Variants in EPHA6 observed in about 807,000 individuals in gnomAD.
EPHA6 encodes the protein EPH receptor A6, also known as ephrin type-A receptor 6.
A neutral mutation model predicts 112.0 loss-of-function variants in EPHA6; 50 were observed. That is an observed-to-expected ratio of 0.45 (90% CI 0.36 to 0.56). The LOEUF (loss-of-function observed/expected upper bound fraction) is 0.56, where lower values mean the gene tolerates loss of function less well. Ranked by LOEUF, EPHA6 falls within the 20% of genes least tolerant of loss-of-function variation. EPHA6 has a pLI of 0.00. For synonymous variants in EPHA6, 529 were observed against 490.7 expected, an observed-to-expected ratio of 1.08 and a Z score of -1.03; for missense variants, 1,280 against 1,417.4, an observed-to-expected ratio of 0.90 and a Z score of 1.56.
Position 97,151,808 on chromosome 3 carries a change from A to G in EPHA6, c.1115-74456A>G, listed in dbSNP as rs536091911. ...AATACAATAAATCTAACTTTGTGGC[A>G]TCATGAAAATTTCTATAATTTATAC... On this transcript the variant is annotated intron_variant, in intron 3 of 17. Transcript: ENST00000389672. Among the ~76,000 whole-genome samples the G allele has an allele frequency of 2.0e-5, 3 of 152,148 alleles. No individual in the cohort carries two copies. The South Asian group carries it at 6.2e-4, about 32-fold the overall frequency.
In EPHA6 at chr3:96,819,262, C is replaced by A. The variant is rs1263513784; in HGVS notation, c.385+4254C>A. Among the ~76,000 whole-genome samples the A allele has an allele frequency of 2.0e-5, 3 of 152,096 alleles. No homozygotes were observed. In the South Asian group the frequency reaches 6.2e-4, roughly 32 times the overall value. ...GGGAAATTAATGATTAAATTACATC[C>A]TTTTACTTTTTTGTTACTTTTACAT... On this transcript the variant is annotated intron_variant, in intron 1 of 17. Coordinates refer to ENST00000389672, the MANE Select transcript of EPHA6 (RefSeq NM_001080448.3).
chr3:97,302,561 T>A (rs1413705772), intron 5 of EPHA6, among the ~76,000 whole-genome samples: 1 of 151,576 alleles, frequency 6.6e-6, no homozygotes, highest in African/African-American at 2.4e-5. Flanking sequence ...TATATTGTCT[T>A]TGCATAGGAA....
At chr3:97,226,650 C>T (rs2078365086) in intron 4 of EPHA6, among the ~76,000 whole-genome samples, 1 of 152,174 alleles carries the variant, frequency 6.6e-6, no homozygotes, top group Non-Finnish European at 1.5e-5. Flanking sequence ...TGTACAAATG[C>T]CAGCACTGGT....
chr3:97,730,633 C>T (rs1409744189), intron 15 of EPHA6, among the ~76,000 whole-genome samples: 1 of 152,046 alleles, frequency 6.6e-6, no homozygotes, highest in Admixed American at 6.6e-5. Flanking sequence ...TATGCTGCTC[C>T]CTGTCAGTCC....
At chr3:97,203,762 T>G (rs1194340638) in intron 3 of EPHA6, among the ~76,000 whole-genome samples, 1 of 152,172 alleles carries the variant, frequency 6.6e-6, no homozygotes, top group East Asian at 1.9e-4. Context: ...TCCTGTCTCC[T>G]CATTTGTAAA....
At chr3:97,623,586 A>C (rs2093830940) in intron 13 of EPHA6, among the ~76,000 whole-genome samples, 1 of 151,740 alleles carries the variant, frequency 6.6e-6, no homozygotes, top group Admixed American at 6.6e-5. Flanking sequence ...CAGAAGGGAC[A>C]AAAGCTGTGT....
At chr3:96,987,090 C>A (rs2043050482) in intron 2 of EPHA6, among the ~76,000 whole-genome samples, 1 of 152,066 alleles carries the variant, frequency 6.6e-6, no homozygotes, top group African/African-American at 2.4e-5. Context: ...AACTAGTGAT[C>A]AAATAAAGTT....
rs1477708833 is a variant in EPHA6, at chr3:97,570,743, T to G, written c.2387-21869T>G. Among the ~76,000 whole-genome samples the G allele has an allele frequency of 5.3e-5, 8 of 151,148 alleles. 1 individual carries two copies. In the South Asian group the frequency reaches 6.3e-4, roughly 12 times the overall value. ...GACTCTGTTTCAAAAAAAAAAAAAG[T>G]ATTATGGAAGCTTTAAATGTTAAAC... is the stretch of plus-strand genomic sequence containing the variant. On this transcript the variant is annotated intron_variant, in intron 11 of 17. Transcript: ENST00000389672.
chr3:97,469,027 C>T (rs898501867), intron 7 of EPHA6, among the ~76,000 whole-genome samples: 2 of 151,574 alleles, frequency 1.3e-5, no homozygotes, highest in African/African-American at 2.4e-5. Context: ...TGGAGGCAAA[C>T]GTTTTTTAAT....
At position 97,755,923 on chromosome 3, in the gene EPHA6, C is replaced by T. The variant is rs2036014645; in HGVS notation, c.*7222C>T. 6.6e-6 allele frequency among the ~76,000 whole-genome samples: 1 copy of T among 151,916 alleles called. No individual in the cohort carries two copies. Among genetic ancestry groups the T allele is most frequent in the South Asian group, 2.1e-4 (1 of 4,802 alleles). On this transcript the variant is annotated 3_prime_UTR_variant, in exon 18 of 18. Coordinates refer to ENST00000389672, the MANE Select transcript of EPHA6 (RefSeq NM_001080448.3). ...AAACACTACACTTTTAAGATTTTTA[C>T]CGTAAGTAAAATGTCCTCTTCCACT...
chr3:96,984,041 C>A (rs553636452), intron 2 of EPHA6, among the ~76,000 whole-genome samples: 2 of 152,312 alleles, frequency 1.3e-5, no homozygotes, highest in Admixed American at 1.3e-4. Context: ...CTGAAGCCTT[C>A]TTCTCTCAAC....
intron 3 of EPHA6, among the ~76,000 whole-genome samples, chr3:97,136,525 T>G (rs1044722940): frequency 1.3e-5 from 2 of 152,014 alleles, no homozygotes; most frequent in African/African-American, 4.8e-5. Flanking sequence ...GAGAGCAGCC[T>G]AGGCAACACA....
intron 3 of EPHA6, among the ~76,000 whole-genome samples, chr3:97,106,383 T>A (rs1453149332): frequency 1.3e-5 from 2 of 152,036 alleles, no homozygotes; most frequent in Admixed American, 1.3e-4. Context: ...TACAAGCACA[T>A]CCTTATATTA....
chr3:97,402,861 AC>A (rs2087082394), intron 5 of EPHA6, among the ~76,000 whole-genome samples: 1 of 152,182 alleles, frequency 6.6e-6, no homozygotes, highest in Non-Finnish European at 1.5e-5. Flanking sequence ...TTAAGAAAAT[AC>A]TTTGTCCTTA....
chr3:97,109,394 T>G (rs2108278241), intron 3 of EPHA6, among the ~76,000 whole-genome samples: 1 of 152,284 alleles, frequency 6.6e-6, no homozygotes. Flanking sequence ...CTGTCTCTCA[T>G]GGGCCTAGTT....
At chr3:97,600,965 G>A (rs887700255) in intron 12 of EPHA6, among the ~76,000 whole-genome samples, 3 of 151,984 alleles carry the variant, frequency 2.0e-5, no homozygotes, top group Middle Eastern at 3.4e-3. Flanking sequence ...TCTATTTTCA[G>A]AATTTTTAAA....
At chr3:97,390,204 T>G (rs542255960) in intron 5 of EPHA6, among the ~76,000 whole-genome samples, 1 of 152,242 alleles carries the variant, frequency 6.6e-6, no homozygotes, top group African/African-American at 2.4e-5. Flanking sequence ...TCTATGGGCT[T>G]GAACCAGAAA....
chr3:97,446,498 A>C (rs1381293225), intron 6 of EPHA6, among the ~76,000 whole-genome samples: 1 of 152,164 alleles, frequency 6.6e-6, no homozygotes, highest in Admixed American at 6.5e-5. Flanking sequence ...TAAGATATGT[A>C]ATTATCCTGG....
At chr3:97,631,279 A>G (rs1298547875) in intron 13 of EPHA6, among the ~76,000 whole-genome samples, 1 of 151,892 alleles carries the variant, frequency 6.6e-6, no homozygotes, top group African/African-American at 2.4e-5. Flanking sequence ...TCTCTTATGA[A>G]CCCTTTGCAT....
Sources: gnomAD v4.1 joint callset for allele counts (sites outside exome capture counted in the v4.1 genomes callset) on GRCh38, gnomAD v4.1.1 for gene constraint, MANE v1.5 for transcripts, NCBI Gene and HGNC (gene_info 2026-07-23, HGNC 2026-07-21) for gene names.